GRIN2D: variants seen among roughly 807,000 people sequenced by gnomAD.
GRIN2D encodes the protein glutamate receptor ionotropic, NMDA 2D.
In GRIN2D, 37 loss-of-function variants were observed where a neutral mutation model predicts 103.2. The ratio of observed to expected loss-of-function variants is 0.36; its 90% confidence interval spans 0.28 to 0.47. The LOEUF (loss-of-function observed/expected upper bound fraction) is 0.47. Among genes scored for constraint, GRIN2D ranks in the 20% least tolerant of loss-of-function variants. The probability of loss-of-function intolerance (pLI) is 1.00; values close to 1 mark genes in which losing one functional copy is unlikely to be tolerated. For synonymous variants in GRIN2D, 845 were observed against 885.6 expected, an observed-to-expected ratio of 0.95 and a Z score of 0.81; for missense variants, 1,557 against 1,910.6, an observed-to-expected ratio of 0.81 and a Z score of 3.45.
rs551514598 is a variant in GRIN2D at position 48,439,241 on chromosome 19, CAAAT to C, written c.2253-2514_2253-2511del. Among the ~76,000 whole-genome samples the C allele has an allele frequency of 1.1e-3, 161 of 150,970 alleles. 1 individual carries two copies. The highest frequency in any genetic ancestry group is 3.3e-3 in the African/African-American group (136 of 41,266). On this transcript the variant is annotated intron_variant, in intron 11 of 13. Coordinates refer to ENST00000263269, the MANE Select transcript of GRIN2D (RefSeq NM_000836.4). ...CCATCTCTAAAAACAAACAAACAAA[CAAAT>C]AAATAAATAAATATTTAAAAAATAT...
chr19:48,429,417 T>G (rs1971129710), intron 11 of GRIN2D, among the ~76,000 whole-genome samples: 1 of 151,486 alleles, frequency 6.6e-6, no homozygotes, highest in African/African-American at 2.4e-5. Flanking sequence ...TTTATTTTTT[T>G]GAGATGGAGT....
chr19:48,396,898 C>T (rs1365395376), intron 2 of GRIN2D, among the ~76,000 whole-genome samples: 4 of 152,102 alleles, frequency 2.6e-5, no homozygotes, highest in Non-Finnish European at 5.9e-5. Context: ...GCCCCTAGTG[C>T]GGACTCCAGT....
Position 48,405,051 on chromosome 19 carries a change from G to A in GRIN2D, c.783G>A (p.Glu261=), listed in dbSNP as rs1970769669. The change falls in exon 4 of 14, where the codon GAG becomes GAA. Residue 261 remains glutamate (E), a synonymous_variant. Coordinates refer to ENST00000263269, the MANE Select transcript of GRIN2D (RefSeq NM_000836.4). The surrounding 1 kb of genome is among the most constrained non-coding windows in gnomAD (Gnocchi z 5.1). ...CCGAGCCCGTGTTCCGCGCAGCTGA[G>A]GAGGCTGGCCTCACTGGATCTGGCT... The part of the protein sequence containing the change: ...EEAEPVFRAA[E]EAGLTGSGYV... 6.2e-7 allele frequency: 1 copy of A among 1,609,578 alleles called. No individual in the cohort carries two copies. Among genetic ancestry groups the A allele is most frequent in the Non-Finnish European group, 8.5e-7 (1 of 1,178,004 alleles).
At chr19:48,422,055 G>C (rs1200985416) in intron 11 of GRIN2D, 110 bp downstream of exon 11, 2 of 1,103,580 alleles carry the variant, frequency 1.8e-6, no homozygotes, top group Non-Finnish European at 2.6e-6. Flanking sequence ...GGTCAGCCCT[G>C]GGTGGGTCAG....
intron 8 of GRIN2D, among the ~76,000 whole-genome samples, chr19:48,417,277 GC>G (rs1179166869): frequency 6.6e-6 from 1 of 152,098 alleles, no homozygotes; most frequent in Non-Finnish European, 1.5e-5. Flanking sequence ...CTCTGTGGAA[GC>G]AAGTGGCTGG....
rs934518686 is a variant in GRIN2D at position 48,394,170 on chromosome 19, G to C, written c.-306+302G>C. 6.6e-6 allele frequency among the ~76,000 whole-genome samples: 1 copy of C among 151,978 alleles called. No homozygotes were observed. Among genetic ancestry groups the C allele is most frequent in the Non-Finnish European group, 1.5e-5 (1 of 67,970 alleles). On this transcript the variant is annotated intron_variant, in intron 1 of 13. Coordinates refer to ENST00000263269, the MANE Select transcript of GRIN2D (RefSeq NM_000836.4). This position sits in a 1 kb window ranked among gnomAD's most constrained non-coding sequence, Gnocchi z 5.1. ...AGCAGTGGCAGCCTGGCCCCCATTA[G>C]ACCCCCCACTCTGTGTGTGTGTGTC...
Position 48,443,887 on chromosome 19 carries a change from G to C in GRIN2D, c.3961G>C (p.Gly1321Arg), listed in dbSNP as rs1365441040. The change falls in exon 14 of 14, where the codon GGC becomes CGC. Residue 1321 changes from glycine (G) to arginine (R), a missense_variant. Gly to Arg is a moderately radical substitution (Grantham distance 125, BLOSUM62 -2). Transcript: ENST00000263269. The surrounding 1 kb of genome is among the most constrained non-coding windows in gnomAD (Gnocchi z 8.9). ...CCGGAGACACCGGGGCGGGGACCTG[G>C]GCACCCGCAGGGGCTCGGCGCACTT... ...SHRRHRGGDL[G>R]TRRGSAHFSS... 9.5e-6 allele frequency: 14 copies of C among 1,467,022 alleles called. No homozygotes were observed. The Admixed American group carries it at 2.2e-4, about 23-fold the overall frequency. 90.9% of individuals were successfully genotyped at this position (1,467,022 alleles called of 1,614,324 possible). A position where few individuals can be genotyped will look rare whatever the true frequency, so the allele number is the denominator to read the frequency against.
rs758239148 is a variant in GRIN2D, at chr19:48,405,013, G to T, written c.745G>T (p.Ala249Ser). 6.8e-6 allele frequency: 11 copies of T among 1,612,246 alleles called. No individual in the cohort carries two copies. The highest frequency in any genetic ancestry group is 8.5e-6 in the Non-Finnish European group (10 of 1,179,446). The part of the protein sequence containing the change: ...VSAQIRLLFC[A>S]REEAEPVFRA... Reference sequence around the variant, plus strand: ...CGCGCAGATCCGCCTGCTCTTCTGCGCCCGAGAGGAGGCCGAGCCCGTGTT... The same window carrying T: ...CGCGCAGATCCGCCTGCTCTTCTGCTCCCGAGAGGAGGCCGAGCCCGTGTT... The change falls in exon 4 of 14, where the codon GCC becomes TCC. Residue 249 changes from alanine (A) to serine (S), a missense_variant. Coordinates refer to ENST00000263269, the MANE Select transcript of GRIN2D (RefSeq NM_000836.4). This position sits in a 1 kb window ranked among gnomAD's most constrained non-coding sequence, Gnocchi z 5.1.
chr19:48,413,937 C>G (rs1328259238), intron 4 of GRIN2D, 54 bp from the exon 5 acceptor site: 12 of 1,007,338 alleles, frequency 1.2e-5, no homozygotes, highest in Non-Finnish European at 1.9e-5. Context: ...CTGCCTTCCG[C>G]TGCCAAGGTC....
intron 11 of GRIN2D, among the ~76,000 whole-genome samples, chr19:48,425,666 G>C (rs1971077646): frequency 6.6e-6 from 1 of 152,172 alleles, no homozygotes; most frequent in Non-Finnish European, 1.5e-5. Context: ...CTTGAGTTCA[G>C]AGAAAGCAGG....
At chr19:48,420,820 G>A (rs941687843) in intron 10 of GRIN2D, among the ~76,000 whole-genome samples, 1 of 152,102 alleles carries the variant, frequency 6.6e-6, no homozygotes, top group African/African-American at 2.4e-5. Context: ...GGGTGACAGA[G>A]CGAGACTCTG....
intron 2 of GRIN2D, among the ~76,000 whole-genome samples, chr19:48,396,024 G>A (rs1325564498): frequency 5.9e-5 from 9 of 152,130 alleles, no homozygotes; most frequent in Non-Finnish European, 7.4e-5. Context: ...GGGTCTTTAC[G>A]GGAGGAGGTA....
At position 48,428,404 on chromosome 19, in the gene GRIN2D, C is replaced by T. The variant is rs538357246; in HGVS notation, c.2252+6459C>T. ...AGACGGACTTTCACTCTTGTTGCCCCGGCTGGAGTGCAGTGGCACAATCTC... is the reference window on the plus strand; with the variant it reads ...AGACGGACTTTCACTCTTGTTGCCCTGGCTGGAGTGCAGTGGCACAATCTC... On this transcript the variant is annotated intron_variant, in intron 11 of 13. Coordinates refer to ENST00000263269, the MANE Select transcript of GRIN2D (RefSeq NM_000836.4). 7.7e-5 allele frequency among the ~76,000 whole-genome samples: 11 copies of T among 142,824 alleles called. No homozygotes were observed. In the East Asian group the frequency reaches 2.2e-3, roughly 28 times the overall value. 93.7% of individuals were successfully genotyped at this position (142,824 alleles called of 152,430 possible). A position where few individuals can be genotyped will look rare whatever the true frequency, so the allele number is the denominator to read the frequency against.
intron 4 of GRIN2D, among the ~76,000 whole-genome samples, chr19:48,410,255 C>T (rs1301668333): frequency 6.7e-6 from 1 of 148,394 alleles, no homozygotes; most frequent in Non-Finnish European, 1.5e-5. Context: ...ACAGGCCAGG[C>T]GTGGTGGCTC....
chr19:48,429,801 C>T (rs1473062077), intron 11 of GRIN2D, among the ~76,000 whole-genome samples: 2 of 151,800 alleles, frequency 1.3e-5, no homozygotes, highest in Non-Finnish European at 2.9e-5. Context: ...TCAAGTGATC[C>T]TCCTGCCTCA....
rs565651512 is a variant in GRIN2D at position 48,410,659 on chromosome 19, G to A, written c.1086-3332G>A. 2.0e-5 allele frequency among the ~76,000 whole-genome samples: 3 copies of A among 152,154 alleles called. No homozygotes were observed. In the South Asian group the frequency reaches 6.2e-4, roughly 32 times the overall value. On this transcript the variant is annotated intron_variant, in intron 4 of 13. Coordinates refer to ENST00000263269, the MANE Select transcript of GRIN2D (RefSeq NM_000836.4). ...CAGGGGTGGGTTATGAGCAGGAGAC[G>A]GGTGGCGTGAGTTTTGGGTATAGAA...
chr19:48,424,554 G>T (rs1012084124), intron 11 of GRIN2D, among the ~76,000 whole-genome samples: 1 of 152,130 alleles, frequency 6.6e-6, no homozygotes, highest in Non-Finnish European at 1.5e-5. Flanking sequence ...ACAGGCGTGA[G>T]CCACCGCGCC....
At chr19:48,397,875 C>T (rs1020100320) in intron 2 of GRIN2D, among the ~76,000 whole-genome samples, 2 of 152,000 alleles carry the variant, frequency 1.3e-5, no homozygotes, top group Non-Finnish European at 2.9e-5. Context: ...GTATCTTCCC[C>T]TGACCCCATT....
At chr19:48,435,195 G>A (rs939195187) in intron 11 of GRIN2D, among the ~76,000 whole-genome samples, 1 of 152,096 alleles carries the variant, frequency 6.6e-6, no homozygotes, top group African/African-American at 2.4e-5. Flanking sequence ...TGAGGGCTGT[G>A]GGAGGACCTC....
Sources: allele counts gnomAD v4.1 joint callset (sites outside exome capture counted in the v4.1 genomes callset), GRCh38; gene constraint gnomAD v4.1.1; non-coding constraint Gnocchi (gnomAD v3.1); transcripts MANE v1.5; gene names NCBI Gene and HGNC (gene_info 2026-07-23, HGNC 2026-07-21).